PLXNA4: variants seen among roughly 807,000 people sequenced by gnomAD.
The protein encoded by PLXNA4 is plexin A4.
A neutral mutation model predicts 191.8 loss-of-function variants in PLXNA4; 44 were observed. That is an observed-to-expected ratio of 0.23 (90% CI 0.18 to 0.29). The LOEUF (loss-of-function observed/expected upper bound fraction) is 0.29. Among genes scored for constraint, PLXNA4 ranks in the 10% least tolerant of loss-of-function variants. The probability of loss-of-function intolerance (pLI) is 1.00; values close to 1 mark genes in which losing one functional copy is unlikely to be tolerated. For synonymous variants in PLXNA4, 1,082 were observed against 1,009.5 expected, an observed-to-expected ratio of 1.07 and a Z score of -1.36; for missense variants, 1,800 against 2,488.8, an observed-to-expected ratio of 0.72 and a Z score of 5.89.
At chr7:132,569,978 C>T (rs924640362) in intron 1 of PLXNA4, among the ~76,000 whole-genome samples, 2 of 152,208 alleles carry the variant, frequency 1.3e-5, no homozygotes, top group Non-Finnish European at 2.9e-5. Flanking sequence ...TGACAGTAGT[C>T]ATAGCAAAGT....
At chr7:132,335,440 G>A (rs918123987) in intron 3 of PLXNA4, among the ~76,000 whole-genome samples, 9 of 152,106 alleles carry the variant, frequency 5.9e-5, no homozygotes, top group African/African-American at 1.9e-4. Flanking sequence ...TCTTCCCACT[G>A]CCCCAAATCA....
intron 1 of PLXNA4, among the ~76,000 whole-genome samples, chr7:132,547,143 GAA>G (rs1262750380): frequency 6.6e-6 from 1 of 152,108 alleles, no homozygotes; most frequent in Non-Finnish European, 1.5e-5. Context: ...TTTTCAAAAG[GAA>G]GATACAATAG....
chr7:132,188,997 AGAGAGAG>A (rs1796985309), intron 14 of PLXNA4, among the ~76,000 whole-genome samples: 1 of 45,774 alleles, frequency 2.2e-5, no homozygotes, highest in Non-Finnish European at 3.9e-5. Flanking sequence ...AGGAAAGGAG[AGAGAGAG>A]AGAGAGAGAG....
intron 3 of PLXNA4, among the ~76,000 whole-genome samples, chr7:132,346,611 A>G (rs1803255306): frequency 6.6e-6 from 1 of 152,228 alleles, no homozygotes; most frequent in East Asian, 1.9e-4. Flanking sequence ...ATTCCACAAA[A>G]GAACACACCA....
At chr7:132,541,908 T>C (rs1178703772) in intron 1 of PLXNA4, among the ~76,000 whole-genome samples, 2 of 152,216 alleles carry the variant, frequency 1.3e-5, no homozygotes, top group Non-Finnish European at 2.9e-5. Flanking sequence ...AACAAATGAA[T>C]GAACACCTAC....
chr7:132,561,553 C>G, intron 1 of PLXNA4, among the ~76,000 whole-genome samples: 1 of 123,934 alleles, frequency 8.1e-6, no homozygotes, highest in Non-Finnish European at 1.7e-5. Flanking sequence ...CCTTCTCCTC[C>G]TCCTTCTCCT....
At chr7:132,643,950 T>TA (rs997693510) in intron 2 of PLXNA4, among the ~76,000 whole-genome samples, 9 of 151,326 alleles carry the variant, frequency 5.9e-5, no homozygotes, top group Non-Finnish European at 7.4e-5. Context: ...CCCTGTCTCT[T>TA]AAAAAAAAAG....
In PLXNA4 at chr7:132,123,568, C is replaced by CTCT. The variant is rs1246715381; in HGVS notation, c.*6908_*6910dup. 7 of 152,008 alleles carry CTCT rather than the reference C, an allele frequency of 4.6e-5. No homozygotes were observed. The highest frequency in any genetic ancestry group is 3.9e-4 in the Admixed American group (6 of 15,256). The allele number at this position is 152,008 out of a possible 1,614,324, so 9.4% of individuals were successfully genotyped here. ...TTTTTTTTAATATTTTACTAGGATA[C>CTCT]TCTTCTTTAAAAATCAAAACCAGAA... On this transcript the variant is annotated 3_prime_UTR_variant, in exon 32 of 32. Coordinates refer to ENST00000321063, the MANE Select transcript of PLXNA4 (RefSeq NM_020911.2).
At chr7:132,533,310 T>G (rs1388360631) in intron 1 of PLXNA4, among the ~76,000 whole-genome samples, 3 of 152,140 alleles carry the variant, frequency 2.0e-5, no homozygotes, top group African/African-American at 7.2e-5. Flanking sequence ...GCCCTTGCAG[T>G]GCTCTGAGGT....
intron 11 of PLXNA4, 106 bp downstream of exon 11, chr7:132,203,217 T>C: frequency 1.0e-6 from 1 of 998,728 alleles, no homozygotes; most frequent in South Asian, 1.5e-5. Context: ...GGACAGCCAC[T>C]AGGAGGCGGG....
intron 3 of PLXNA4, among the ~76,000 whole-genome samples, chr7:132,345,480 TACA>T (rs1803209464): frequency 1.3e-5 from 2 of 152,336 alleles, no homozygotes; most frequent in African/African-American, 2.4e-5. Context: ...CATCCACAAT[TACA>T]ACAACTACCT....
At chr7:132,253,713 G>C (rs73157225) in intron 4 of PLXNA4, among the ~76,000 whole-genome samples, 1 of 152,056 alleles carries the variant, frequency 6.6e-6, no homozygotes, top group South Asian at 2.1e-4. Flanking sequence ...CCCATATTGG[G>C]TGGGAAAGTC....
rs1801181340 is a variant in PLXNA4, at chr7:132,298,284, T to G, written c.1372-62A>C. The G allele has an allele frequency of 2.6e-6, 4 of 1,554,390 alleles. No individual in the cohort carries two copies. In the East Asian group the frequency reaches 9.0e-5, roughly 35 times the overall value. The stretch of plus-strand genomic sequence containing the variant: ...ATCCTGCACTGCCCACAGCCAAACT[T>G]CAGCCAAAGACCCTGTCAACAGCCA... On this transcript the variant is annotated intron_variant, in intron 3 of 31. Transcript: ENST00000321063.
At chr7:132,179,648 GCA>G (rs1562902301) in intron 20 of PLXNA4, 37 bp downstream of exon 20, 1 of 1,595,516 alleles carries the variant, frequency 6.3e-7, no homozygotes, top group Non-Finnish European at 8.6e-7. Context: ...ATGCACACAC[GCA>G]CACACACATG....
chr7:132,503,023 C>G (rs931458423), intron 2 of PLXNA4, among the ~76,000 whole-genome samples: 2 of 152,128 alleles, frequency 1.3e-5, no homozygotes, highest in Non-Finnish European at 2.9e-5. Context: ...GATTTCTGCA[C>G]CTTCTGCATG....
At chr7:132,585,448 T>C (rs1802490493) in intron 2 of PLXNA4, among the ~76,000 whole-genome samples, 1 of 152,140 alleles carries the variant, frequency 6.6e-6, no homozygotes, top group African/African-American at 2.4e-5. Context: ...GAAAATAATG[T>C]GAGTTCTGAA....
intron 3 of PLXNA4, among the ~76,000 whole-genome samples, chr7:132,435,954 A>T (rs277487): frequency 0.88 from 133,368 of 152,242 alleles, 58,804 homozygotes; most frequent in Non-Finnish European, 0.93. Flanking sequence ...AAAGAACAAT[A>T]GTACTAATAT....
intron 8 of PLXNA4, among the ~76,000 whole-genome samples, chr7:132,225,709 G>A (rs1798299057): frequency 6.6e-6 from 1 of 152,082 alleles, no homozygotes; most frequent in Non-Finnish European, 1.5e-5. Flanking sequence ...ATGCAATTGA[G>A]TGGTTAGACC....
intron 3 of PLXNA4, among the ~76,000 whole-genome samples, chr7:132,317,027 T>C (rs1053578169): frequency 2.0e-5 from 3 of 152,016 alleles, no homozygotes; most frequent in Non-Finnish European, 4.4e-5. Flanking sequence ...GGGTTGTGTG[T>C]GTTGTGTTGT....
Sources: allele counts gnomAD v4.1 joint callset (sites outside exome capture counted in the v4.1 genomes callset), GRCh38; gene constraint gnomAD v4.1.1; transcripts MANE v1.5; gene names NCBI Gene and HGNC (gene_info 2026-07-23, HGNC 2026-07-21).